Variants in SEMA3A observed in about 807,000 individuals in gnomAD.
SEMA3A encodes the protein semaphorin 3A.
A neutral mutation model predicts 97.9 loss-of-function variants in SEMA3A; 29 were observed. The observed-to-expected ratio is 0.30, with a 90% CI of 0.22 to 0.40. SEMA3A has a LOEUF of 0.40. SEMA3A is among the 10% of genes least tolerant of loss of function. The probability of loss-of-function intolerance (pLI) is 1.00; values close to 1 mark genes in which losing one functional copy is unlikely to be tolerated. For synonymous variants in SEMA3A, 321 were observed against 323.7 expected (o/e 0.99, Z 0.09); for missense variants, 763 against 951.3 (o/e 0.80, Z 2.60).
In SEMA3A at chr7:83,958,046, A is replaced by T. The variant is rs1404306127; in HGVS notation, c.*3325T>A. The T allele has an allele frequency of 6.6e-6, 1 of 152,142 alleles. No individual in the cohort carries two copies. Among genetic ancestry groups the T allele is most frequent in the Non-Finnish European group, 1.5e-5 (1 of 67,980 alleles). 9.4% of individuals were successfully genotyped at this position (152,142 alleles called of 1,614,324 possible). On this transcript the variant is annotated 3_prime_UTR_variant, in exon 17 of 17. Transcript: ENST00000265362. The stretch of plus-strand genomic sequence containing the variant: ...AAGATAAGCAATTTCAATAACAGTC[A>T]TCTGACATCTTTGTGGATCCTGAAT...
chr7:83,970,657 T>G (rs1788877860), intron 15 of SEMA3A, among the ~76,000 whole-genome samples: 1 of 152,208 alleles, frequency 6.6e-6, no homozygotes, highest in Admixed American at 6.5e-5. Context: ...CATGTAAAAC[T>G]AAAACATAAT....
intron 3 of SEMA3A, among the ~76,000 whole-genome samples, chr7:84,216,409 A>T (rs1315336109): frequency 6.6e-6 from 1 of 152,108 alleles, no homozygotes; most frequent in Admixed American, 6.6e-5. Context: ...CTGGCCTCAG[A>T]TTTTCTTATA....
intron 3 of SEMA3A, among the ~76,000 whole-genome samples, chr7:84,291,445 A>C (rs2115785670): frequency 6.6e-6 from 1 of 152,156 alleles, no homozygotes; most frequent in Non-Finnish European, 1.5e-5. Flanking sequence ...TTTTTATTTT[A>C]AATTTATTTT....
At chr7:83,976,946 G>A (rs1276680685) in intron 15 of SEMA3A, among the ~76,000 whole-genome samples, 186 bp downstream of exon 15, 1 of 152,034 alleles carries the variant, frequency 6.6e-6, no homozygotes, top group African/African-American at 2.4e-5. Context: ...CATAATTTAT[G>A]ATAATAAAAC....
chr7:84,339,441 C>G (rs1386037741), intron 2 of SEMA3A, among the ~76,000 whole-genome samples: 1 of 152,142 alleles, frequency 6.6e-6, no homozygotes, highest in African/African-American at 2.4e-5. Flanking sequence ...TTCAAGGCAG[C>G]TGCACTTGAA....
At chr7:84,157,708 G>A (rs1796888071) in intron 1 of SEMA3A, among the ~76,000 whole-genome samples, 2 of 152,126 alleles carry the variant, frequency 1.3e-5, no homozygotes, top group African/African-American at 4.8e-5. Flanking sequence ...TCCATCCTTA[G>A]AATACATCTC....
At chr7:84,473,274 A>G (rs1806200175) in intron 1 of SEMA3A, among the ~76,000 whole-genome samples, 1 of 150,886 alleles carries the variant, frequency 6.6e-6, no homozygotes, top group South Asian at 2.1e-4. Flanking sequence ...ATTCTCTATA[A>G]CTATAACTTT....
chr7:84,171,553 G>A (rs1157946335), intron 1 of SEMA3A, among the ~76,000 whole-genome samples: 1 of 151,898 alleles, frequency 6.6e-6, no homozygotes, highest in Non-Finnish European at 1.5e-5. Flanking sequence ...TAACATAAAG[G>A]TCTCAATTTA....
intron 1 of SEMA3A, among the ~76,000 whole-genome samples, chr7:84,179,099 T>C (rs1470932264): frequency 1.3e-5 from 2 of 152,180 alleles, no homozygotes; most frequent in Non-Finnish European, 2.9e-5. Flanking sequence ...ATTTTCCCCA[T>C]AAAGTGTGTT....
intron 1 of SEMA3A, among the ~76,000 whole-genome samples, chr7:84,479,045 T>C (rs1335257136): frequency 6.6e-6 from 1 of 152,132 alleles, no homozygotes; most frequent in East Asian, 1.9e-4. Context: ...ATCTGGAAAA[T>C]ACATTAGTAA....
chr7:84,237,064 T>G, intron 3 of SEMA3A, among the ~76,000 whole-genome samples: 1 of 152,002 alleles, frequency 6.6e-6, no homozygotes, highest in Non-Finnish European at 1.5e-5. Flanking sequence ...ACCAAATAAA[T>G]AAATCGGGAA....
At chr7:84,090,243 A>T (rs1387744554) in intron 4 of SEMA3A, among the ~76,000 whole-genome samples, 1 of 152,172 alleles carries the variant, frequency 6.6e-6, no homozygotes, top group Non-Finnish European at 1.5e-5. Flanking sequence ...GGGTTTAGGT[A>T]CTAGGTAAGT....
chr7:84,320,657 AT>A (rs1554364006), intron 2 of SEMA3A, among the ~76,000 whole-genome samples: 44 of 148,898 alleles, frequency 3.0e-4, no homozygotes, highest in Admixed American at 1.2e-3. Flanking sequence ...GAAATAAATT[AT>A]TTTTTTTTTC....
chr7:84,308,387 A>G (rs529899156), intron 2 of SEMA3A, among the ~76,000 whole-genome samples: 3 of 152,330 alleles, frequency 2.0e-5, no homozygotes, highest in African/African-American at 7.2e-5. Context: ...TCAAATGTCA[A>G]TACCATACCA....
intron 3 of SEMA3A, among the ~76,000 whole-genome samples, chr7:84,233,225 A>G (rs1351507653): frequency 2.0e-5 from 3 of 151,932 alleles, no homozygotes; most frequent in Non-Finnish European, 2.9e-5. Context: ...TCTTGCATAT[A>G]TGTATTGTCT....
At chr7:84,091,321 GAA>G (rs1481198573) in intron 4 of SEMA3A, among the ~76,000 whole-genome samples, 2 of 134,524 alleles carry the variant, frequency 1.5e-5, no homozygotes, top group African/African-American at 2.6e-5. Flanking sequence ...AGGAAGGAAG[GAA>G]GAGAGAGAGA....
intron 3 of SEMA3A, among the ~76,000 whole-genome samples, chr7:84,247,541 T>G (rs1799503667): frequency 1.3e-5 from 2 of 152,150 alleles, no homozygotes; most frequent in Admixed American, 1.3e-4. Context: ...TTAAGAAGGG[T>G]TAAGCCAATA....
intron 6 of SEMA3A, among the ~76,000 whole-genome samples, chr7:84,016,442 G>A (rs1791102950): frequency 6.6e-6 from 1 of 151,856 alleles, no homozygotes; most frequent in Admixed American, 6.6e-5. Context: ...GGAGGCTGAG[G>A]CAGGAGAATG....
intron 3 of SEMA3A, among the ~76,000 whole-genome samples, chr7:84,205,453 T>C (rs1016275375): frequency 1.3e-5 from 2 of 152,240 alleles, no homozygotes; most frequent in African/African-American, 2.4e-5. Flanking sequence ...GTTATGCAAC[T>C]ATCTTTTAAC....
Sources: gnomAD v4.1 joint callset for allele counts (sites outside exome capture counted in the v4.1 genomes callset) on GRCh38, gnomAD v4.1.1 for gene constraint, MANE v1.5 for transcripts, NCBI Gene and HGNC (gene_info 2026-07-23, HGNC 2026-07-21) for gene names.